The following MCM9 variants were observed in gnomAD, a reference collection of about 807,000 sequenced individuals.
The protein encoded by MCM9 is minichromosome maintenance 9 homologous recombination repair factor, also known as DNA helicase MCM9.
A neutral mutation model predicts 72.8 loss-of-function variants in MCM9; 55 were observed. That is an observed-to-expected ratio of 0.76 (90% CI 0.61 to 0.95). MCM9 has a LOEUF of 0.95. Among genes scored for constraint, MCM9 ranks in the 40% least tolerant of loss-of-function variants. The probability of loss-of-function intolerance (pLI) is 0.00; values close to 1 mark genes in which losing one functional copy is unlikely to be tolerated. For synonymous variants in MCM9, 480 were observed against 503.4 expected (o/e 0.95, Z 0.62); for missense variants, 1,279 against 1,377.0 (o/e 0.93, Z 1.13).
chr6:118,843,720 GTATATATA>G (rs375762540), intron 9 of MCM9, among the ~76,000 whole-genome samples: 14 of 101,994 alleles, frequency 1.4e-4, no homozygotes, highest in East Asian at 1.1e-3. Context: ...ATATATATAT[GTATATATA>G]TATATATATA....
At chr6:118,846,579 A>G (rs1775881596) in intron 9 of MCM9, among the ~76,000 whole-genome samples, 1 of 151,774 alleles carries the variant, frequency 6.6e-6, no homozygotes. Context: ...AGTCATGGGA[A>G]GGATCCCGGA....
chr6:118,836,081 C>T lies in MCM9; in HGVS notation c.1326-6831G>A, dbSNP rs540304802. 9.3e-4 allele frequency among the ~76,000 whole-genome samples: 142 copies of T among 152,234 alleles called. 1 individual carries two copies. The highest frequency in any genetic ancestry group is 2.9e-3 in the African/African-American group (122 of 41,520). On this transcript the variant is annotated intron_variant, in intron 9 of 13. Transcript: ENST00000619706. ...AAAGGGTATTGAATTTTATTGAAGGCCTTTTCTGCATCTATTGGGATAATC... is the reference window on the plus strand; with the variant it reads ...AAAGGGTATTGAATTTTATTGAAGGTCTTTTCTGCATCTATTGGGATAATC...
chr6:118,846,241 A>G (rs1775856004), intron 9 of MCM9, among the ~76,000 whole-genome samples: 1 of 151,902 alleles, frequency 6.6e-6, no homozygotes, highest in South Asian at 2.1e-4. Context: ...CCCATAAAAC[A>G]AAACTCATCA....
chr6:118,857,682 AAG>A (rs1776650977), intron 8 of MCM9, among the ~76,000 whole-genome samples: 1 of 151,442 alleles, frequency 6.6e-6, no homozygotes, highest in Non-Finnish European at 1.5e-5. Flanking sequence ...TCAGGAATGA[AAG>A]AGGGGGCATA....
chr6:118,847,642 AAAAAC>A (rs1775963694), intron 9 of MCM9, among the ~76,000 whole-genome samples: 1 of 151,794 alleles, frequency 6.6e-6, no homozygotes. Flanking sequence ...TCTGAAAAAT[AAAAAC>A]AAAACAAAGA....
intron 8 of MCM9, among the ~76,000 whole-genome samples, chr6:118,863,859 C>T (rs1407155303): frequency 6.6e-6 from 1 of 151,864 alleles, no homozygotes; most frequent in Non-Finnish European, 1.5e-5. Flanking sequence ...AAATAAATCC[C>T]TTTTTTTTAT....
At chr6:118,863,988 G>C (rs975415131) in intron 8 of MCM9, among the ~76,000 whole-genome samples, 2 of 150,244 alleles carry the variant, frequency 1.3e-5, no homozygotes, top group African/African-American at 4.9e-5. Context: ...AATTAAGACA[G>C]AGATTGTCAG....
Position 118,853,455 on chromosome 6 carries a change from T to G in MCM9, c.1325+2916A>C, listed in dbSNP as rs557189603. 5.9e-5 allele frequency among the ~76,000 whole-genome samples: 9 copies of G among 152,296 alleles called. No homozygotes were observed. The South Asian group carries it at 8.3e-4, about 14-fold the overall frequency. On this transcript the variant is annotated intron_variant, in intron 9 of 13. Coordinates refer to ENST00000619706, the MANE Select transcript of MCM9 (RefSeq NM_017696.3). ...AAAAAAGCTTGTTGGGATTTTTTTT[T>G]TTGTTAATTTCAATAGGTTTTTGGG...
At chr6:118,890,730 T>C (rs1778889090) in intron 8 of MCM9, among the ~76,000 whole-genome samples, 1 of 152,218 alleles carries the variant, frequency 6.6e-6, no homozygotes. Flanking sequence ...TCTATATTTA[T>C]ACAGAAAATT....
chr6:118,916,122 G>A (rs1780923540), intron 6 of MCM9, among the ~76,000 whole-genome samples: 1 of 151,794 alleles, frequency 6.6e-6, no homozygotes, highest in South Asian at 2.1e-4. Context: ...GGAGACGGAA[G>A]TGTGAGGATC....
At chr6:118,927,097 T>C (rs947940478) in intron 3 of MCM9, among the ~76,000 whole-genome samples, 6 of 152,232 alleles carry the variant, frequency 3.9e-5, no homozygotes, top group African/African-American at 1.4e-4. Flanking sequence ...TAAAGAAATA[T>C]CACTTTTGCC....
At chr6:118,875,685 C>T (rs1777891295) in intron 8 of MCM9, among the ~76,000 whole-genome samples, 1 of 151,318 alleles carries the variant, frequency 6.6e-6, no homozygotes, top group African/African-American at 2.4e-5. Flanking sequence ...ATAATAATGA[C>T]ATCTTTACAC....
intron 8 of MCM9, chr6:118,911,012 A>T: frequency 2.0e-6 from 2 of 985,250 alleles, no homozygotes; most frequent in Non-Finnish European, 2.4e-6. Context: ...CCCAATCAAA[A>T]CTGTAAAAAT....
rs894431715 is a variant in MCM9 at position 118,814,791 on chromosome 6, G to A, written c.*33C>T. On this transcript the variant is annotated 3_prime_UTR_variant, in exon 14 of 14. Transcript: ENST00000619706. ...CCTGAAGGTCCTCTGTGGAGTTGAA[G>A]AAGGTGAGATTTGACCAGAAAGCTT... 9.5e-6 allele frequency: 14 copies of A among 1,467,720 alleles called. No homozygotes were observed. In the Admixed American group the frequency reaches 2.9e-4, roughly 31 times the overall value. The allele number at this position is 1,467,720 out of a possible 1,614,324, so 90.9% of individuals were successfully genotyped here. A position where few individuals can be genotyped will look rare whatever the true frequency, so the allele number is the denominator to read the frequency against.
At chr6:118,831,393 T>C (rs1774549029) in intron 9 of MCM9, among the ~76,000 whole-genome samples, 1 of 148,034 alleles carries the variant, frequency 6.8e-6, no homozygotes, top group South Asian at 2.2e-4. Context: ...CAAAAATTTG[T>C]ATGCAAAGAA....
Position 118,922,070 on chromosome 6 carries a change from A to G in MCM9, c.638T>C (p.Val213Ala). The G allele has an allele frequency of 1.2e-6, 2 of 1,612,686 alleles. No homozygotes were observed. Among genetic ancestry groups the G allele is most frequent in the African/African-American group, 1.3e-5 (1 of 75,000 alleles). ...CTTCATAGATCGTGGAATACTTCCA[A>G]CAGATAGCCTTTGAACCTAGCAAAG... The part of the protein sequence containing the change: ...KIQEQVQRLS[V>A]GSIPRSMKVI... Residue 213 changes from valine (V) to alanine (A), a missense_variant, in exon 5 of 14, where the codon GTT (valine) becomes GCT (alanine). Transcript: ENST00000619706.
At chr6:118,903,622 G>A (rs981487843) in intron 8 of MCM9, among the ~76,000 whole-genome samples, 1 of 152,102 alleles carries the variant, frequency 6.6e-6, no homozygotes, top group African/African-American at 2.4e-5. Flanking sequence ...AGTTAGAAAG[G>A]GCGTCACTGA....
At chr6:118,843,696 ATATATATG>A (rs1775641156) in intron 9 of MCM9, among the ~76,000 whole-genome samples, 1 of 102,426 alleles carries the variant, frequency 9.8e-6, no homozygotes, top group African/African-American at 4.5e-5. Context: ...GTGTATATAT[ATATATATG>A]TATGTATATA....
chr6:118,825,681 T>C (rs1377020199), intron 13 of MCM9, among the ~76,000 whole-genome samples: 4 of 152,220 alleles, frequency 2.6e-5, no homozygotes, highest in Admixed American at 2.6e-4. Flanking sequence ...CGAACATTAA[T>C]AGTTTGGGCA....
Sources: gnomAD v4.1 joint callset for allele counts (sites outside exome capture counted in the v4.1 genomes callset) on GRCh38, gnomAD v4.1.1 for gene constraint, MANE v1.5 for transcripts, NCBI Gene and HGNC (gene_info 2026-07-23, HGNC 2026-07-21) for gene names.